SETD1A: variants seen among roughly 807,000 people sequenced by gnomAD.
SETD1A encodes histone-lysine N-methyltransferase SETD1A.
Under a neutral mutation model 149.9 loss-of-function variants are expected in SETD1A, and 29 were observed. The ratio of observed to expected loss-of-function variants is 0.19; its 90% CI spans 0.14 to 0.26. The LOEUF (loss-of-function observed/expected upper bound fraction) is 0.26. Ranked by LOEUF, SETD1A falls within the 10% of genes least tolerant of loss-of-function variation. The probability of loss-of-function intolerance (pLI) is 1.00; values close to 1 mark genes in which losing one functional copy is unlikely to be tolerated. For synonymous variants in SETD1A, 1,141 were observed against 968.5 expected (o/e 1.18, Z -3.31); for missense variants, 2,109 against 2,353.1 (o/e 0.90, Z 2.15).
rs2056056427 is a variant in SETD1A at position 30,961,823 on chromosome 16, G to A, written c.517+286G>A. On this transcript the variant is annotated intron_variant, in intron 4 of 18. Transcript: ENST00000262519. The surrounding 1 kb of genome is among the most constrained non-coding windows in gnomAD (Gnocchi z 4.0). The stretch of plus-strand genomic sequence containing the variant: ...TTGTACTAGGTAAGATGAATAGATT[G>A]TAGTAAATCAGCCCAGGTCAGGTTG... Among the ~76,000 whole-genome samples the A allele has an allele frequency of 6.6e-6, 1 of 152,052 alleles. No homozygotes were observed. Among genetic ancestry groups the A allele is most frequent in the Non-Finnish European group, 1.5e-5 (1 of 68,000 alleles).
intron 13 of SETD1A, 70 bp from the exon 14 acceptor site, chr16:30,979,075 C>A: frequency 1.4e-6 from 2 of 1,443,054 alleles, no homozygotes; most frequent in Admixed American, 2.5e-5. Flanking sequence ...AGCCTGTGGT[C>A]ATGGGCGGCC....
In SETD1A at chr16:30,969,692, G is replaced by A. The variant is rs367946971; in HGVS notation, c.3016+3G>A. On this transcript the variant is annotated splice_donor_region_variant and intron_variant, in intron 12 of 18. Transcript: ENST00000262519. Reference sequence around the variant, plus strand: ...GAAGGAGACAGAGGTGTCGGATGGTGAGCACAAGACAGTGAAATCGACTTT... The same window carrying A: ...GAAGGAGACAGAGGTGTCGGATGGTAAGCACAAGACAGTGAAATCGACTTT... 4.3e-6 allele frequency: 7 copies of A among 1,612,684 alleles called. No homozygotes were observed. Among genetic ancestry groups the A allele is most frequent in the Admixed American group, 1.7e-5 (1 of 60,006 alleles).
chr16:30,979,590 G>T lies in SETD1A; in HGVS notation c.3804G>T (p.Leu1268=). The change falls in exon 14 of 19, where the codon CTG becomes CTT. Residue 1268 remains leucine, a synonymous_variant. Coordinates refer to ENST00000262519, the MANE Select transcript of SETD1A (RefSeq NM_014712.3). ...CCCTGACCCCTGCCCGGCGCGGGCTGCCTGCCCTGCCTGCTGTTGAAGACT... is the reference window on the plus strand; with the variant it reads ...CCCTGACCCCTGCCCGGCGCGGGCTTCCTGCCCTGCCTGCTGTTGAAGACT... The part of the protein sequence containing the change: ...DLALTPARRG[L]PALPAVEDSE... 6.2e-7 allele frequency: 1 copy of T among 1,610,662 alleles called. No individual in the cohort carries two copies.
intron 8 of SETD1A, 134 bp downstream of exon 8, chr16:30,966,520 C>A: frequency 7.3e-7 from 1 of 1,378,370 alleles, no homozygotes; most frequent in Non-Finnish European, 9.6e-7. Flanking sequence ...CCCTGCAGGC[C>A]ACCCTGGGTG....
chr16:30,965,417 C>T lies in SETD1A; in HGVS notation c.1675C>T (p.Pro559Ser), dbSNP rs778301460. 3.1e-6 allele frequency: 5 copies of T among 1,604,146 alleles called. No individual in the cohort carries two copies. Among genetic ancestry groups the T allele is most frequent in the Middle Eastern group, 1.7e-4 (1 of 6,034 alleles). ...EDVAPTGSGEPGATRESPKAN... is the reference protein window; with the variant it reads ...EDVAPTGSGESGATRESPKAN... ...TGTGGCACCTACAGGGAGCGGGGAGCCAGGGGCTACCCGGGAGTCTCCCAA... is the reference window on the plus strand; with the variant it reads ...TGTGGCACCTACAGGGAGCGGGGAGTCAGGGGCTACCCGGGAGTCTCCCAA... The change falls in exon 7 of 19, where the codon CCA becomes TCA. Residue 559 changes from proline (P) to serine (S), a missense_variant. By Grantham distance (74) the Pro-to-Ser change is moderately conservative. Around this residue, in one of 8 missense-constraint regions of SETD1A, gnomAD observed 431 missense variants for 388.6 expected, o/e 1.11. Coordinates refer to ENST00000262519, the MANE Select transcript of SETD1A (RefSeq NM_014712.3).
chr16:30,966,754 G>A (rs1371693377), intron 8 of SETD1A, 130 bp from the exon 9 acceptor site: 1 of 1,073,764 alleles, frequency 9.3e-7, no homozygotes, highest in Non-Finnish European at 1.3e-6. Context: ...CGGGGGCTGG[G>A]ACAGGTGTGA....
At position 30,959,494 on chromosome 16, in the gene SETD1A, T is replaced by A. The variant is rs1008633889; in HGVS notation, c.246+308T>A. Among the ~76,000 whole-genome samples, 8 of 152,160 alleles carry A rather than the reference T, an allele frequency of 5.3e-5. 1 individual carries two copies. The highest frequency in any genetic ancestry group is 3.9e-4 in the Admixed American group (6 of 15,282). The stretch of plus-strand genomic sequence containing the variant: ...GACAGTGCATCATAGCACACAAGAG[T>A]GGGATCTCCCAGTTCCTTGACAGTC... On this transcript the variant is annotated intron_variant, in intron 3 of 18. Transcript: ENST00000262519.
In SETD1A at chr16:30,983,694, G is replaced by T. The variant is rs1184892272; in HGVS notation, c.4872G>T (p.Leu1624=). The change falls in exon 18 of 19, where the codon CTG becomes CTT. Residue 1624 remains leucine, a synonymous_variant. Transcript: ENST00000262519. This position sits in a 1 kb window ranked among gnomAD's most constrained non-coding sequence, Gnocchi z 6.8. ...AGGAGGGCATTGGCAGCAGCTACCT[G>T]TTCCGGGTGGACCACGACACCATCA... ...YVQEGIGSSY[L]FRVDHDTIID... 1.2e-6 allele frequency: 2 copies of T among 1,613,994 alleles called. No homozygotes were observed. The highest frequency in any genetic ancestry group is 1.7e-6 in the Non-Finnish European group (2 of 1,180,008).
Position 30,971,662 on chromosome 16 carries a change from G to T in SETD1A, c.3301G>T (p.Ala1101Ser). Residue 1101 changes from alanine to serine, a missense_variant, in exon 13 of 19, where the codon GCA (alanine) becomes TCA (serine). Transcript: ENST00000262519. ...PVEVPVPERV[A>S]GSPVTPLPEQ... is the part of the protein sequence containing the mutation. ...GGAGGTGCCAGTGCCGGAAAGGGTT[G>T]CAGGCTCCCCAGTCACACCCCTGCC... The T allele has an allele frequency of 1.9e-6, 3 of 1,607,984 alleles. No individual in the cohort carries two copies. Among genetic ancestry groups the T allele is most frequent in the Non-Finnish European group, 2.6e-6 (3 of 1,175,606 alleles).
rs2056004077 is a variant in SETD1A at position 30,958,811 on chromosome 16, C to T, written c.80C>T (p.Ala27Val). The change falls in exon 2 of 19, where the codon GCC becomes GTC. Residue 27 changes from alanine (A) to valine (V), a missense_variant. Physicochemically the swap from Ala to Val is moderately conservative, Grantham distance 64. Around this residue, in one of 8 missense-constraint regions of SETD1A, gnomAD observed 75 missense variants for 95.3 expected, o/e 0.79. Transcript: ENST00000262519. ...WRNYKLIVDP[A>V]LDPALRRPSQ... The stretch of plus-strand genomic sequence containing the variant: ...AACTACAAGCTCATCGTGGATCCTG[C>T]CTTGGACCCTGCCCTGCGCAGGCCT... 2.5e-6 allele frequency: 4 copies of T among 1,614,120 alleles called. No individual in the cohort carries two copies. The highest frequency in any genetic ancestry group is 3.4e-6 in the Non-Finnish European group (4 of 1,179,942).
In SETD1A at chr16:30,966,122, C is replaced by G. The variant is rs750318438; in HGVS notation, c.2241C>G (p.Ala747=). ...GCAGAGGGGCATACTCACGGGAGGC[C>G]TACCACCTGCCCATGCCAATGGCAG... The part of the protein sequence containing the change: ...QEGRGAYSRE[A]YHLPMPMAAE... The change falls in exon 8 of 19, where the codon GCC becomes GCG. Residue 747 remains alanine, a synonymous_variant. Transcript: ENST00000262519. 24 of 1,601,456 alleles carry G rather than the reference C, an allele frequency of 1.5e-5. No individual in the cohort carries two copies. The East Asian group carries it at 4.9e-4, about 33-fold the overall frequency.
In SETD1A at chr16:30,964,103, C is replaced by T. The variant is rs531689583; in HGVS notation, c.649C>T (p.Arg217Cys). Reference sequence around the variant, plus strand: ...TGCTCTGTCGCTCTAGGCCGAATCCCGCCGCCGCTCTTCCTCTGACACAGC... The same window carrying T: ...TGCTCTGTCGCTCTAGGCCGAATCCTGCCGCCGCTCTTCCTCTGACACAGC... Reference protein sequence around the residue: ...SGAATETAESRRRSSSDTAAY... With the variant: ...SGAATETAESCRRSSSDTAAY... Residue 217 changes from arginine (R) to cysteine (C), a missense_variant, in exon 6 of 19, where the codon CGC (arginine) becomes TGC (cysteine). Physicochemically the swap from Arg to Cys is radical, Grantham distance 180 (BLOSUM62 -3). This residue lies in a region of SETD1A where 410 missense variants were observed against 394.8 expected (regional missense o/e 1.04). Coordinates refer to ENST00000262519, the MANE Select transcript of SETD1A (RefSeq NM_014712.3). 8.1e-6 allele frequency: 13 copies of T among 1,612,588 alleles called. No homozygotes were observed. The highest frequency in any genetic ancestry group is 5.3e-5 in the African/African-American group (4 of 74,942).
chr16:30,978,943 G>A (rs1234631022), intron 13 of SETD1A, among the ~76,000 whole-genome samples: 1 of 152,224 alleles, frequency 6.6e-6, no homozygotes, highest in African/African-American at 2.4e-5. Flanking sequence ...GTGTCACAGC[G>A]GGAACGAATG....
At chr16:30,959,771 T>C (rs2056023626) in intron 3 of SETD1A, among the ~76,000 whole-genome samples, 1 of 151,098 alleles carries the variant, frequency 6.6e-6, no homozygotes, top group Non-Finnish European at 1.5e-5. Flanking sequence ...TTTTTTACTT[T>C]GTACACTTCA....
At chr16:30,975,104 T>C (rs1389246048) in intron 13 of SETD1A, among the ~76,000 whole-genome samples, 1 of 150,738 alleles carries the variant, frequency 6.6e-6, no homozygotes, top group Non-Finnish European at 1.5e-5. Context: ...GCCGAGATCG[T>C]GCCACTGCAC....
chr16:30,977,288 C>G (rs1445191834), intron 13 of SETD1A, among the ~76,000 whole-genome samples: 1 of 152,036 alleles, frequency 6.6e-6, no homozygotes, highest in Non-Finnish European at 1.5e-5. Context: ...CAGTCACCAC[C>G]GTCTTAGTGA....
rs745676175 is a variant in SETD1A at position 30,979,467 on chromosome 16, A to C, written c.3681A>C (p.Arg1227=). Residue 1227 remains arginine, a synonymous_variant, in exon 14 of 19, where the codon CGA becomes CGC. Coordinates refer to ENST00000262519, the MANE Select transcript of SETD1A (RefSeq NM_014712.3). ...LVKSWPEEVS[R]GGRSRAGGRG... The stretch of plus-strand genomic sequence containing the variant: ...AGAGTTGGCCCGAGGAGGTGTCCCG[A>C]GGAGGCCGGAGCCGGGCTGGAGGCC... 4.4e-6 allele frequency: 7 copies of C among 1,599,850 alleles called. No homozygotes were observed. Among genetic ancestry groups the C allele is most frequent in the East Asian group, 2.3e-5 (1 of 44,302 alleles).
Position 30,964,150 on chromosome 16 carries a change from T to C in SETD1A, c.696T>C (p.Thr232=), listed in dbSNP as rs764583797. 1.2e-6 allele frequency: 2 copies of C among 1,614,022 alleles called. No individual in the cohort carries two copies. Among genetic ancestry groups the C allele is most frequent in the South Asian group, 1.1e-5 (1 of 91,070 alleles). Reference sequence around the variant, plus strand: ...CAGCTGCCTACCCAGCAGGCACCACTGCGGTGGGCACTCCTGGCAACGGCA... The same window carrying C: ...CAGCTGCCTACCCAGCAGGCACCACCGCGGTGGGCACTCCTGGCAACGGCA... ...SDTAAYPAGT[T]AVGTPGNGTP... The change falls in exon 6 of 19, where the codon ACT becomes ACC. Residue 232 remains threonine (T), a synonymous_variant. Transcript: ENST00000262519.
At chr16:30,958,167 G>GA (rs1444496673) in intron 1 of SETD1A, 4 of 150,886 alleles carry the variant, frequency 2.7e-5, no homozygotes, top group Non-Finnish European at 5.9e-5. Flanking sequence ...GACCTGCTGG[G>GA]GGGGGTGCAG....
Sources: gnomAD v4.1 joint callset for allele counts (sites outside exome capture counted in the v4.1 genomes callset) on GRCh38, gnomAD v4.1.1 for gene constraint, gnomAD v4.1.1 regional missense constraint, Gnocchi (gnomAD v3.1) non-coding constraint, MANE v1.5 for transcripts, NCBI Gene and HGNC (gene_info 2026-07-23, HGNC 2026-07-21) for gene names.